SNAP91: variants seen among roughly 807,000 people sequenced by gnomAD.
SNAP91 encodes clathrin coat assembly protein AP180.
SNAP91 carries 27 observed loss-of-function variants against 100.3 expected under a neutral mutation model. That is an observed-to-expected ratio of 0.27 (90% CI 0.20 to 0.37). The LOEUF is 0.37. SNAP91 is among the 10% of genes least tolerant of loss of function. The pLI is 1.00. For missense variants in SNAP91, 986 were observed against 1,123.7 expected (o/e 0.88, Z 1.75); for synonymous variants, 404 against 398.6 (o/e 1.01, Z -0.16).
intron 7 of SNAP91, among the ~76,000 whole-genome samples, chr6:83,654,378 T>A (rs932354482): frequency 6.6e-6 from 1 of 152,202 alleles, no homozygotes; most frequent in African/African-American, 2.4e-5. Flanking sequence ...TTGTACTTAT[T>A]TTTAGGACAT....
At chr6:83,636,608 G>A (rs1211607829) in intron 8 of SNAP91, among the ~76,000 whole-genome samples, 1 of 151,958 alleles carries the variant, frequency 6.6e-6, no homozygotes, top group Admixed American at 6.6e-5. Context: ...AATTTCTCTT[G>A]GATCTTATTG....
Position 83,601,457 on chromosome 6 carries a change from A to C in SNAP91, c.1157-19T>G, listed in dbSNP as rs770125757. 5.6e-6 allele frequency: 9 copies of C among 1,613,574 alleles called. No individual in the cohort carries two copies. In the Admixed American group the frequency reaches 1.5e-4, roughly 27 times the overall value. ...AAAGAATCTATATTTCACCAGAGAC[A>C]GAGAGCAAACGGAGAGAAGAAAAGC... On this transcript the variant is annotated intron_variant, in intron 15 of 29. Coordinates refer to ENST00000369694, the MANE Select transcript of SNAP91 (RefSeq NM_001242792.2).
intron 26 of SNAP91, among the ~76,000 whole-genome samples, chr6:83,570,890 G>C (rs1180676622): frequency 6.6e-6 from 1 of 152,102 alleles, no homozygotes; most frequent in Non-Finnish European, 1.5e-5. Context: ...TGGGATGGGG[G>C]CCCCCACACA....
intron 2 of SNAP91, among the ~76,000 whole-genome samples, chr6:83,681,160 TGTCA>T (rs1449173065): frequency 1.3e-5 from 2 of 152,192 alleles, no homozygotes; most frequent in Non-Finnish European, 2.9e-5. Flanking sequence ...TTACCTTTTT[TGTCA>T]GTCAAAAATG....
In SNAP91 at chr6:83,630,913, T is replaced by A. The variant is rs2097180872; in HGVS notation, c.766-7571A>T. Among the ~76,000 whole-genome samples, 3 of 152,150 alleles carry A rather than the reference T, an allele frequency of 2.0e-5. No homozygotes were observed. The South Asian group carries it at 6.2e-4, about 31-fold the overall frequency. On this transcript the variant is annotated intron_variant, in intron 8 of 29. Transcript: ENST00000369694. ...TTTGGTTCATTCTTGTTTCTCTTGATCCTTGAGGTGTGACCTTAGACTGTC... is the reference window on the plus strand; with the variant it reads ...TTTGGTTCATTCTTGTTTCTCTTGAACCTTGAGGTGTGACCTTAGACTGTC...
intron 14 of SNAP91, among the ~76,000 whole-genome samples, chr6:83,604,452 T>C (rs1170317263): frequency 2.6e-5 from 4 of 152,188 alleles, no homozygotes; most frequent in African/African-American, 9.6e-5. Flanking sequence ...TTCTTATTTA[T>C]AGTTAGCAAC....
intron 16 of SNAP91, among the ~76,000 whole-genome samples, chr6:83,600,449 C>T (rs2095051639): frequency 6.6e-6 from 1 of 152,120 alleles, no homozygotes; most frequent in Non-Finnish European, 1.5e-5. Context: ...TGAAGATACA[C>T]AAAACTATAA....
At chr6:83,698,964 T>C (rs554553807) in intron 2 of SNAP91, among the ~76,000 whole-genome samples, 1 of 152,346 alleles carries the variant, frequency 6.6e-6, no homozygotes, top group East Asian at 1.9e-4. Context: ...AAAATAATTT[T>C]GGTTTTCTGA....
intron 8 of SNAP91, among the ~76,000 whole-genome samples, chr6:83,628,409 T>G (rs575022943): frequency 6.6e-6 from 1 of 151,988 alleles, no homozygotes; most frequent in African/African-American, 2.4e-5. Context: ...GTAGTTCTAC[T>G]TTTAGTTCTT....
chr6:83,580,710 T>C (rs1826993391), intron 23 of SNAP91, 111 bp from the exon 24 acceptor site: 2 of 1,073,156 alleles, frequency 1.9e-6, no homozygotes, highest in Non-Finnish European at 2.6e-6. Context: ...ATATAAAATC[T>C]TATAAAAGAA....
chr6:83,560,674 T>C (rs1224023358), intron 27 of SNAP91, among the ~76,000 whole-genome samples, 190 bp downstream of exon 27: 1 of 152,228 alleles, frequency 6.6e-6, no homozygotes, highest in Non-Finnish European at 1.5e-5. Context: ...TGGTAGAACA[T>C]AAGTATTTTA....
intron 14 of SNAP91, among the ~76,000 whole-genome samples, 185 bp downstream of exon 14, chr6:83,605,500 G>A (rs1235546634): frequency 6.6e-6 from 1 of 152,042 alleles, no homozygotes; most frequent in Non-Finnish European, 1.5e-5. Flanking sequence ...TGTATTACAG[G>A]CACTTTCTCT....
At chr6:83,573,203 TG>T (rs1244421375) in intron 26 of SNAP91, among the ~76,000 whole-genome samples, 1 of 152,174 alleles carries the variant, frequency 6.6e-6, no homozygotes, top group Non-Finnish European at 1.5e-5. Flanking sequence ...CATTCACAAT[TG>T]CTTCAAAGAG....
intron 24 of SNAP91, among the ~76,000 whole-genome samples, chr6:83,578,869 T>G (rs1465518912): frequency 6.6e-6 from 1 of 152,176 alleles, no homozygotes; most frequent in East Asian, 1.9e-4. Context: ...TAGATTTAGC[T>G]CTTACATTTG....
chr6:83,698,769 T>G (rs1324758332), intron 2 of SNAP91, among the ~76,000 whole-genome samples: 5 of 152,062 alleles, frequency 3.3e-5, no homozygotes, highest in African/African-American at 1.2e-4. Flanking sequence ...TGTTTCAGAG[T>G]TCATGAGTTT....
chr6:83,676,071 A>G (rs1186632638), intron 2 of SNAP91, among the ~76,000 whole-genome samples: 2 of 151,476 alleles, frequency 1.3e-5, no homozygotes, highest in African/African-American at 4.9e-5. Context: ...TGATTGCCTC[A>G]CTGCACTCCA....
intron 22 of SNAP91, among the ~76,000 whole-genome samples, chr6:83,582,879 A>G (rs950831337): frequency 6.6e-6 from 1 of 152,184 alleles, no homozygotes; most frequent in African/African-American, 2.4e-5. Flanking sequence ...GGATTCATGA[A>G]CAGTCACGGA....
chr6:83,610,740 T>A (rs2095986168), intron 11 of SNAP91, 63 bp from the exon 12 acceptor site: 1 of 177,560 alleles, frequency 5.6e-6, no homozygotes, highest in East Asian at 1.1e-4. Context: ...TATATATATA[T>A]ATATATAAAT....
At chr6:83,569,463 T>C (rs1160242737) in intron 26 of SNAP91, among the ~76,000 whole-genome samples, 1 of 152,226 alleles carries the variant, frequency 6.6e-6, no homozygotes, top group Non-Finnish European at 1.5e-5. Context: ...GTTAATTAAG[T>C]ACTTGATGAA....
Sources: allele counts gnomAD v4.1 joint callset (sites outside exome capture counted in the v4.1 genomes callset), GRCh38; gene constraint gnomAD v4.1.1; transcripts MANE v1.5; gene names NCBI Gene and HGNC (gene_info 2026-07-23, HGNC 2026-07-21).